The following PTPRG variants were observed in gnomAD, a reference collection of about 807,000 sequenced individuals.
PTPRG encodes the protein receptor-type tyrosine-protein phosphatase gamma.
Under a neutral mutation model 165.3 loss-of-function variants are expected in PTPRG, and 102 were observed. The ratio of observed to expected loss-of-function variants is 0.62; its 90% CI spans 0.53 to 0.73. The LOEUF is 0.73. Ranked by LOEUF, PTPRG falls within the 30% of genes least tolerant of loss-of-function variation. The probability of loss-of-function intolerance (pLI) is 0.00; values close to 1 mark genes in which losing one functional copy is unlikely to be tolerated. For synonymous variants in PTPRG, 675 were observed against 669.5 expected (o/e 1.01, Z -0.13); for missense variants, 1,866 against 1,861.4 (o/e 1.00, Z -0.05).
chr3:62,074,202 T>TGTGC (rs1406288314), intron 4 of PTPRG, among the ~76,000 whole-genome samples: 1 of 151,410 alleles, frequency 6.6e-6, no homozygotes. Context: ...TGTGTGTGTG[T>TGTGC]GTGTGTGTGT....
intron 1 of PTPRG, among the ~76,000 whole-genome samples, chr3:61,567,701 G>A (rs1355989342): frequency 1.4e-5 from 2 of 146,796 alleles, no homozygotes; most frequent in African/African-American, 5.1e-5. Context: ...ATCAAATGTA[G>A]GCTGGGCATG....
At chr3:61,683,965 G>A (rs548324086) in intron 1 of PTPRG, among the ~76,000 whole-genome samples, 67 of 152,328 alleles carry the variant, frequency 4.4e-4, no homozygotes, top group African/African-American at 1.6e-3. Flanking sequence ...ATTTAGAAAT[G>A]TGTAACTTCA....
chr3:61,683,826 A>C (rs1703530637), intron 1 of PTPRG, among the ~76,000 whole-genome samples: 1 of 152,236 alleles, frequency 6.6e-6, no homozygotes, highest in Admixed American at 6.5e-5. Context: ...AAAACTTGGT[A>C]AATTTAGTTA....
At chr3:61,887,717 G>GT (rs2038091204) in intron 2 of PTPRG, among the ~76,000 whole-genome samples, 1 of 110,552 alleles carries the variant, frequency 9.0e-6, no homozygotes, top group Non-Finnish European at 1.7e-5. Flanking sequence ...CTTTCAGTAA[G>GT]TTAAAAAAAA....
chr3:61,751,766 G>A (rs1055618635), intron 2 of PTPRG, among the ~76,000 whole-genome samples: 43 of 151,982 alleles, frequency 2.8e-4, no homozygotes, highest in Admixed American at 2.2e-3. Context: ...CGAGGTGGGC[G>A]GATCGCGAGG....
intron 7 of PTPRG, among the ~76,000 whole-genome samples, chr3:62,158,499 G>T (rs1704624550): frequency 6.6e-6 from 1 of 152,154 alleles, no homozygotes; most frequent in African/African-American, 2.4e-5. Flanking sequence ...AAGTATTCCA[G>T]TAGGTGGGTC....
chr3:61,636,468 C>G (rs927178772), intron 1 of PTPRG, among the ~76,000 whole-genome samples: 2 of 152,128 alleles, frequency 1.3e-5, no homozygotes, highest in Non-Finnish European at 2.9e-5. Flanking sequence ...GTTCATCTAT[C>G]TTGTTGTATC....
At chr3:61,799,889 G>T (rs1387865829) in intron 2 of PTPRG, among the ~76,000 whole-genome samples, 1 of 152,166 alleles carries the variant, frequency 6.6e-6, no homozygotes, top group South Asian at 2.1e-4. Flanking sequence ...TGTTCAAGGG[G>T]TTGAATTCTG....
chr3:61,922,431 G>A (rs888218366), intron 2 of PTPRG, among the ~76,000 whole-genome samples: 5 of 152,224 alleles, frequency 3.3e-5, no homozygotes, highest in Admixed American at 2.6e-4. Context: ...TGCACAGGGA[G>A]TGACAGGAGC....
intron 4 of PTPRG, among the ~76,000 whole-genome samples, chr3:62,071,199 T>C (rs1276587878): frequency 1.3e-5 from 2 of 152,220 alleles, no homozygotes; most frequent in Non-Finnish European, 2.9e-5. Flanking sequence ...ATCTGCATGC[T>C]GTTTCCTTAC....
At chr3:62,100,617 C>A (rs1702258207) in intron 5 of PTPRG, among the ~76,000 whole-genome samples, 1 of 152,098 alleles carries the variant, frequency 6.6e-6, no homozygotes. Flanking sequence ...AAAACAAAAA[C>A]AAGAAGCACA....
chr3:61,850,796 A>G (rs1056836690), intron 2 of PTPRG, among the ~76,000 whole-genome samples: 5 of 152,218 alleles, frequency 3.3e-5, no homozygotes, highest in Non-Finnish European at 7.4e-5. Flanking sequence ...TTTAATAGAC[A>G]TGCAAAAATG....
chr3:61,705,458 C>T (rs2031197070), intron 1 of PTPRG, among the ~76,000 whole-genome samples: 1 of 151,978 alleles, frequency 6.6e-6, no homozygotes, highest in Non-Finnish European at 1.5e-5. Flanking sequence ...AACTGGAGGC[C>T]TGCTGTAAAG....
Position 62,203,961 on chromosome 3 carries a change from C to G in PTPRG, c.2155+11C>G, listed in dbSNP as rs747560178. On this transcript the variant is annotated intron_variant, in intron 12 of 29. Transcript: ENST00000474889. The surrounding 1 kb of genome is among the most constrained non-coding windows in gnomAD (Gnocchi z 6.4). ...TCACTGTTAATCCAGGTAAGTGGTG[C>G]AGGTCTTCTTCGAGGGTTCCTGCTC... 11 of 1,540,428 alleles carry G rather than the reference C, an allele frequency of 7.1e-6. No homozygotes were observed. Among genetic ancestry groups the G allele is most frequent in the Middle Eastern group, 1.7e-4 (1 of 5,728 alleles).
chr3:62,087,677 A>T (rs114615461), intron 5 of PTPRG, among the ~76,000 whole-genome samples: 2 of 152,194 alleles, frequency 1.3e-5, no homozygotes, highest in Non-Finnish European at 2.9e-5. Context: ...TGGCAACCAT[A>T]TATCTCCAGG....
chr3:62,152,092 A>G (rs146087361), intron 6 of PTPRG, among the ~76,000 whole-genome samples: 1 of 152,170 alleles, frequency 6.6e-6, no homozygotes, highest in Admixed American at 6.5e-5. Context: ...TTAGCCAGGC[A>G]TATGGGCTCA....
chr3:61,681,100 A>C (rs921615241), intron 1 of PTPRG, among the ~76,000 whole-genome samples: 1 of 150,212 alleles, frequency 6.7e-6, no homozygotes, highest in Non-Finnish European at 1.5e-5. Flanking sequence ...AACAATGTCC[A>C]AACTTCCCTG....
chr3:61,997,633 T>G (rs1443638143), intron 3 of PTPRG, among the ~76,000 whole-genome samples: 2 of 152,200 alleles, frequency 1.3e-5, no homozygotes, highest in Non-Finnish European at 2.9e-5. Flanking sequence ...CACTAGCAGG[T>G]TTGCTTCTGT....
chr3:62,225,518 G>GTT (rs572658241), intron 13 of PTPRG, among the ~76,000 whole-genome samples: 270 of 141,288 alleles, frequency 1.9e-3, no homozygotes, highest in African/African-American at 6.6e-3. Context: ...TTTTAGTTTT[G>GTT]TTTTTTTTTT....
Sources: gnomAD v4.1 joint callset for allele counts (sites outside exome capture counted in the v4.1 genomes callset) on GRCh38, gnomAD v4.1.1 for gene constraint, Gnocchi (gnomAD v3.1) non-coding constraint, MANE v1.5 for transcripts, NCBI Gene and HGNC (gene_info 2026-07-23, HGNC 2026-07-21) for gene names.